Variants in WASF3 observed in about 807,000 individuals in gnomAD.
WASF3 encodes WASP family member 3.
WASF3 carries 11 observed loss-of-function variants against 46.6 expected under a neutral mutation model. The ratio of observed to expected loss-of-function variants is 0.24; its 90% confidence interval spans 0.15 to 0.39. The LOEUF (loss-of-function observed/expected upper bound fraction) is 0.39, where lower values mean the gene tolerates loss of function less well. Among genes scored for constraint, WASF3 ranks in the 10% least tolerant of loss-of-function variants. The pLI is 1.00. For missense variants in WASF3, 576 were observed against 669.8 expected (o/e 0.86, Z 1.55); for synonymous variants, 242 against 259.7 (o/e 0.93, Z 0.65).
intron 2 of WASF3, among the ~76,000 whole-genome samples, chr13:26,628,753 C>T (rs967801928): frequency 2.0e-5 from 3 of 152,194 alleles, no homozygotes; most frequent in African/African-American, 7.2e-5. Context: ...TGCCCCATTT[C>T]AGACCCCCAG....
chr13:26,649,396 T>C (rs73496345), intron 3 of WASF3, among the ~76,000 whole-genome samples: 7,179 of 152,282 alleles, frequency 0.047, 593 homozygotes, highest in African/African-American at 0.16. Context: ...CGAGTAGTTA[T>C]GAAAAATTTA....
chr13:26,608,814 G>A (rs1880882802), intron 1 of WASF3, among the ~76,000 whole-genome samples: 1 of 152,126 alleles, frequency 6.6e-6, no homozygotes, highest in Non-Finnish European at 1.5e-5. Flanking sequence ...ACATTCTTAC[G>A]AGATATATTT....
rs1883151168 is a variant in WASF3 at position 26,679,087 on chromosome 13, T to G, written c.717-1967T>G. On this transcript the variant is annotated intron_variant, in intron 7 of 9. Transcript: ENST00000335327. The surrounding 1 kb of genome is among the most constrained non-coding windows in gnomAD (Gnocchi z 4.8). The stretch of plus-strand genomic sequence containing the variant: ...GGCCCTCCCAGTCCTCTTCCTCCCG[T>G]GTCAGTGTCGCCTCTGGCCCTCCCA... Among the ~76,000 whole-genome samples the G allele has an allele frequency of 6.6e-6, 1 of 151,530 alleles. No homozygotes were observed. The highest frequency in any genetic ancestry group is 1.5e-5 in the Non-Finnish European group (1 of 67,894).
chr13:26,569,890 G>A, intron 1 of WASF3, among the ~76,000 whole-genome samples: 1 of 152,208 alleles, frequency 6.6e-6, no homozygotes, highest in Non-Finnish European at 1.5e-5. Flanking sequence ...CCTACAGGCG[G>A]TAAAGATTTT....
intron 1 of WASF3, among the ~76,000 whole-genome samples, chr13:26,590,082 A>G (rs572703097): frequency 7.2e-5 from 11 of 152,310 alleles, no homozygotes; most frequent in African/African-American, 2.6e-4. Context: ...TAGCATTCTA[A>G]CAGTATTTCT....
At chr13:26,599,865 G>C (rs1187322779) in intron 1 of WASF3, among the ~76,000 whole-genome samples, 1 of 152,154 alleles carries the variant, frequency 6.6e-6, no homozygotes, top group African/African-American at 2.4e-5. Context: ...TCATCCCATG[G>C]GATTTGATTC....
upstream of WASF3, among the ~76,000 whole-genome samples, chr13:26,554,832 T>C (rs1387216149): frequency 6.6e-6 from 1 of 152,248 alleles, no homozygotes; most frequent in Non-Finnish European, 1.5e-5. Context: ...GTCTCGTGAT[T>C]ATGAATAAAC....
chr13:26,664,110 A>G (rs1366854098), intron 3 of WASF3, among the ~76,000 whole-genome samples: 1 of 152,252 alleles, frequency 6.6e-6, no homozygotes, highest in Non-Finnish European at 1.5e-5. Context: ...TGGCTGTGAA[A>G]GCAGCGTATA....
At chr13:26,550,273 T>C in the WASF3 span, among the ~76,000 whole-genome samples, 2 of 152,196 alleles carry the variant, frequency 1.3e-5, no homozygotes, top group African/African-American at 4.8e-5. Flanking sequence ...ATTTACTGTT[T>C]GTTCAAATAA....
intron 1 of WASF3, among the ~76,000 whole-genome samples, chr13:26,595,194 T>C (rs1880424103): frequency 6.6e-6 from 1 of 152,228 alleles, no homozygotes; most frequent in African/African-American, 2.4e-5. Context: ...TGACTTGATG[T>C]CTTTTTGGTG....
chr13:26,651,065 A>T (rs186551576), intron 3 of WASF3, among the ~76,000 whole-genome samples: 3 of 152,330 alleles, frequency 2.0e-5, no homozygotes, highest in African/African-American at 7.2e-5. Flanking sequence ...AAACCACGTC[A>T]TAATAAAATT....
chr13:26,633,951 A>G (rs1329445208), intron 2 of WASF3, among the ~76,000 whole-genome samples: 1 of 152,202 alleles, frequency 6.6e-6, no homozygotes, highest in Non-Finnish European at 1.5e-5. Flanking sequence ...TGGTGCTGAG[A>G]AGAATGTATA....
rs200299739 is a variant in WASF3 at position 26,578,993 on chromosome 13, C to CTTTTTTTTTTTTTTTTTTTTTTTTTTTT, written c.-109+21197_-109+21198insTTTTTTTTTTTTTTTTTTTTTTTTTTTT. Among the ~76,000 whole-genome samples the CTTTTTTTTTTTTTTTTTTTTTTTTTTTT allele has an allele frequency of 5.8e-4, 35 of 60,638 alleles. 8 individuals carry two copies. Among genetic ancestry groups the CTTTTTTTTTTTTTTTTTTTTTTTTTTTT allele is most frequent in the African/African-American group, 1.6e-3 (21 of 13,028 alleles). The allele number at this position is 60,638 out of a possible 152,430, so 39.8% of individuals were successfully genotyped here. A position where few individuals can be genotyped will look rare whatever the true frequency, so the allele number is the denominator to read the frequency against. The stretch of plus-strand genomic sequence containing the variant: ...ACCTTATATTCTTGGGATACATTTC[C>CTTTTTTTTTTTTTTTTTTTTTTTTTTTT]TTTTTTTTTTTTTTTTTTTTTTTGT... On this transcript the variant is annotated intron_variant, in intron 1 of 9. Coordinates refer to ENST00000335327, the MANE Select transcript of WASF3 (RefSeq NM_006646.6).
rs370470245 is a variant in WASF3 at position 26,576,618 on chromosome 13, T to C, written c.-109+18799T>C. The stretch of plus-strand genomic sequence containing the variant: ...TTATGTAACTTATGTACTTACTATC[T>C]CAAAAAAGGTCTAAGTCAGTGGTTC... On this transcript the variant is annotated intron_variant, in intron 1 of 9. Coordinates refer to ENST00000335327, the MANE Select transcript of WASF3 (RefSeq NM_006646.6). Among the ~76,000 whole-genome samples, 3 of 152,286 alleles carry C rather than the reference T, an allele frequency of 2.0e-5. No individual in the cohort carries two copies. In the East Asian group the frequency reaches 5.8e-4, roughly 29 times the overall value.
At chr13:26,573,749 CA>C (rs1879707347) in intron 1 of WASF3, among the ~76,000 whole-genome samples, 1 of 152,138 alleles carries the variant, frequency 6.6e-6, no homozygotes, top group African/African-American at 2.4e-5. Context: ...TGAATTTTCA[CA>C]AAATGAATTC....
chr13:26,590,709 T>A (rs1880265458), intron 1 of WASF3, among the ~76,000 whole-genome samples: 1 of 152,208 alleles, frequency 6.6e-6, no homozygotes, highest in South Asian at 2.1e-4. Flanking sequence ...ACATACACTT[T>A]TTATCCTTTC....
intron 1 of WASF3, among the ~76,000 whole-genome samples, chr13:26,608,272 T>G (rs1268744793): frequency 6.6e-6 from 1 of 152,224 alleles, no homozygotes; most frequent in East Asian, 1.9e-4. Context: ...AAAGAAAATA[T>G]TATCTTACGA....
chr13:26,642,786 A>G (rs1882037246), intron 3 of WASF3, among the ~76,000 whole-genome samples: 1 of 152,220 alleles, frequency 6.6e-6, no homozygotes, highest in African/African-American at 2.4e-5. Flanking sequence ...TAGATTGAAA[A>G]CTAGTTAACA....
At chr13:26,551,674 G>A in the WASF3 span, among the ~76,000 whole-genome samples, 5 of 152,236 alleles carry the variant, frequency 3.3e-5, no homozygotes, top group South Asian at 2.1e-4. Flanking sequence ...TTTGAGCTGC[G>A]TTGTGAAAGT....
Sources: allele counts gnomAD v4.1 joint callset (sites outside exome capture counted in the v4.1 genomes callset), GRCh38; gene constraint gnomAD v4.1.1; non-coding constraint Gnocchi (gnomAD v3.1); transcripts MANE v1.5; gene names NCBI Gene and HGNC (gene_info 2026-07-23, HGNC 2026-07-21).